IGSF8: variants seen among roughly 807,000 people sequenced by gnomAD.
IGSF8 encodes CD81 partner 3.
A neutral mutation model predicts 55.5 loss-of-function variants in IGSF8; 46 were observed. The ratio of observed to expected loss-of-function variants is 0.83; its 90% CI spans 0.65 to 1.06. The LOEUF (loss-of-function observed/expected upper bound fraction) is 1.06, where lower values mean the gene tolerates loss of function less well. Among genes scored for constraint, IGSF8 ranks in the 50% least tolerant of loss-of-function variants. The pLI is 0.00. For missense variants in IGSF8, 731 were observed against 832.3 expected (o/e 0.88, Z 1.50); for synonymous variants, 314 against 356.1 (o/e 0.88, Z 1.33).
chr1:160,092,561 G>C lies in IGSF8; in HGVS notation c.1447C>G (p.Arg483Gly). ...LRLAASWWVE[R>G]PEDGELSSVP... is the part of the protein sequence containing the mutation. ...GAGCTGAGCTCTCCGTCCTCTGGTCGCTCCACCCACCAGCTGGCGGCCAGC... is the reference window on the plus strand; with the variant it reads ...GAGCTGAGCTCTCCGTCCTCTGGTCCCTCCACCCACCAGCTGGCGGCCAGC... Residue 483 changes from arginine to glycine, a missense_variant, in exon 5 of 7, where the codon CGA (arginine) becomes GGA (glycine). Coordinates refer to ENST00000314485, the MANE Select transcript of IGSF8 (RefSeq NM_052868.6). 1 of 1,610,490 alleles carries C rather than the reference G, an allele frequency of 6.2e-7. No homozygotes were observed. The highest frequency in any genetic ancestry group is 8.5e-7 in the Non-Finnish European group (1 of 1,179,612).
At position 160,096,257 on chromosome 1, in the gene IGSF8, G is replaced by A. The variant is rs184898284; in HGVS notation, c.65-1011C>T. 2.6e-5 allele frequency among the ~76,000 whole-genome samples: 4 copies of A among 152,124 alleles called. No individual in the cohort carries two copies. In the East Asian group the frequency reaches 5.8e-4, roughly 22 times the overall value. ...GATCACAGAACCTCAATGTAAAGAGGGCTAGGCCACCCCTCCCCACCTCTC... is the reference window on the plus strand; with the variant it reads ...GATCACAGAACCTCAATGTAAAGAGAGCTAGGCCACCCCTCCCCACCTCTC... On this transcript the variant is annotated intron_variant, in intron 1 of 6. Transcript: ENST00000314485.
intron 4 of IGSF8, 114 bp from the exon 5 acceptor site, chr1:160,092,809 G>A: frequency 2.0e-6 from 3 of 1,486,234 alleles, no homozygotes; most frequent in African/African-American, 2.8e-5. Context: ...CTTGGTAGAA[G>A]AGGAGCGTGA....
At chr1:160,096,620 G>A (rs1270107985) in intron 1 of IGSF8, among the ~76,000 whole-genome samples, 1 of 152,198 alleles carries the variant, frequency 6.6e-6, no homozygotes, top group Non-Finnish European at 1.5e-5. Context: ...CTCTGGCTGG[G>A]TCACAGGGAG....
intron 1 of IGSF8, among the ~76,000 whole-genome samples, chr1:160,097,021 T>C (rs2101967065): frequency 6.6e-6 from 1 of 152,194 alleles, no homozygotes; most frequent in South Asian, 2.1e-4. Context: ...CTCTCTCCCC[T>C]CCTCTGTATC....
intron 1 of IGSF8, 161 bp from the exon 2 acceptor site, chr1:160,095,407 G>A (rs777676645): frequency 1.4e-6 from 1 of 730,010 alleles, no homozygotes; most frequent in Non-Finnish European, 2.2e-6. Flanking sequence ...AAGGGATGCT[G>A]TGATATAAGA....
chr1:160,093,295 C>T lies in IGSF8; in HGVS notation c.941G>A (p.Arg314His), dbSNP rs188677020. The change falls in exon 4 of 7, where the codon CGT becomes CAT. Residue 314 changes from arginine to histidine, a missense_variant. Physicochemically the swap from Arg to His is conservative, Grantham distance 29 (BLOSUM62 0). Coordinates refer to ENST00000314485, the MANE Select transcript of IGSF8 (RefSeq NM_052868.6). ...QLAVTVGPGE[R>H]RIGPGEPLEL... ...CAAGGGCTCCCCTGGGCCGATCCGA[C>T]GTTCACCAGGCCCCACTGTCACTGC... 3.7e-5 allele frequency: 59 copies of T among 1,602,408 alleles called. No homozygotes were observed. The East Asian group carries it at 1.1e-3, about 29-fold the overall frequency.
upstream of IGSF8, chr1:160,099,078 C>G (rs954456736): frequency 6.9e-6 from 1 of 145,784 alleles, no homozygotes; most frequent in Non-Finnish European, 1.5e-5. Flanking sequence ...GCCTCCAATC[C>G]TGGCTCCGCC....
intron 4 of IGSF8, 32 bp downstream of exon 4, chr1:160,092,892 C>G (rs765238054): frequency 9.6e-6 from 15 of 1,566,118 alleles, no homozygotes; most frequent in Non-Finnish European, 1.2e-5. Flanking sequence ...TGACAATCCT[C>G]GAACCCCGTC....
At position 160,091,621 on chromosome 1, in the gene IGSF8, C is replaced by T; in HGVS notation, c.*16-13G>A. On this transcript the variant is annotated splice_polypyrimidine_tract_variant and intron_variant, in intron 6 of 6. Coordinates refer to ENST00000314485, the MANE Select transcript of IGSF8 (RefSeq NM_052868.6). Reference sequence around the variant, plus strand: ...ACACCTGCAAGACCTGAAAAGGGTGCCCGGTGTGGGCTAAGGACAGAGAGC... The same window carrying T: ...ACACCTGCAAGACCTGAAAAGGGTGTCCGGTGTGGGCTAAGGACAGAGAGC... The T allele has an allele frequency of 1.7e-6, 1 of 581,278 alleles. No individual in the cohort carries two copies. Among genetic ancestry groups the T allele is most frequent in the Admixed American group, 3.1e-5 (1 of 32,682 alleles). 36.0% of individuals were successfully genotyped at this position (581,278 alleles called of 1,614,324 possible).
intron 1 of IGSF8, among the ~76,000 whole-genome samples, chr1:160,096,845 T>G (rs533457667): frequency 1.3e-5 from 2 of 152,324 alleles, no homozygotes; most frequent in South Asian, 2.1e-4. Flanking sequence ...AGTTTCATAA[T>G]CAGAGTGACG....
In IGSF8 at chr1:160,094,177, G is replaced by A. The variant is rs1366608984; in HGVS notation, c.443-6C>T. 1.3e-6 allele frequency: 2 copies of A among 1,579,998 alleles called. No homozygotes were observed. The highest frequency in any genetic ancestry group is 1.8e-4 in the Middle Eastern group (1 of 5,534). On this transcript the variant is annotated splice_polypyrimidine_tract_variant and splice_region_variant and intron_variant, in intron 2 of 6. Coordinates refer to ENST00000314485, the MANE Select transcript of IGSF8 (RefSeq NM_052868.6). The surrounding 1 kb of genome is among the most constrained non-coding windows in gnomAD (Gnocchi z 4.0). ...CTGGAGGACATCTGGAAGAACTGGA[G>A]AGAACAGCTGGAGTGAGGGAGGGCT...
chr1:160,093,322 A>AGCTG lies in IGSF8; in HGVS notation c.910_913dup (p.Leu305ProfsTer10). The AGCTG allele has an allele frequency of 1.3e-6, 2 of 1,584,430 alleles. No homozygotes were observed. The highest frequency in any genetic ancestry group is 1.7e-6 in the Non-Finnish European group (2 of 1,157,942). ...TTCACCAGGCCCCACTGTCACTGCC[A>AGCTG]GCTGGCTGGCTGAAACACAGGTAGG... On this transcript the variant is annotated frameshift_variant, in exon 4 of 7. Transcript: ENST00000314485. LOFTEE classifies it high-confidence loss of function.
At chr1:160,097,599 C>G in intron 1 of IGSF8, 1 of 782,234 alleles carries the variant, frequency 1.3e-6, no homozygotes, top group Non-Finnish European at 1.6e-6. Context: ...ATACTCTTCC[C>G]CAGACCACCT....
intron 1 of IGSF8, among the ~76,000 whole-genome samples, chr1:160,096,663 C>A (rs756568018): frequency 2.0e-5 from 3 of 152,240 alleles, no homozygotes; most frequent in Admixed American, 6.5e-5. Flanking sequence ...GCACAGCTGC[C>A]AGTCAGGAAG....
rs192012747 is a variant in IGSF8 at position 160,092,492 on chromosome 1, C to T, written c.1516G>A (p.Ala506Thr). The T allele has an allele frequency of 1.2e-6, 2 of 1,613,492 alleles. No individual in the cohort carries two copies. Among genetic ancestry groups the T allele is most frequent in the Non-Finnish European group, 1.7e-6 (2 of 1,179,744 alleles). The change falls in exon 5 of 7, where the codon GCA (alanine) becomes ACA (threonine). Residue 506 changes from alanine to threonine, a missense_variant. Ala to Thr is a moderately conservative substitution (Grantham distance 58). Transcript: ENST00000314485. The part of the protein sequence containing the change: ...LVGGVGQDGV[A>T]ELGVRPGGGP... ...CCTCCAGGCCGGACTCCCAGCTCTGCCACACCATCCTGGCCTACGCCACCC... is the reference window on the plus strand; with the variant it reads ...CCTCCAGGCCGGACTCCCAGCTCTGTCACACCATCCTGGCCTACGCCACCC...
Position 160,092,635 on chromosome 1 carries a change from G to A in IGSF8, c.1373C>T (p.Ala458Val), listed in dbSNP as rs1314932001. The change falls in exon 5 of 7, where the codon GCC (alanine) becomes GTC (valine). Residue 458 changes from alanine (A) to valine (V), a missense_variant. Transcript: ENST00000314485. ...CACAGAGATGTTGCACAGCAGGGAG[G>A]CAGTCTCCCCGCGGTACACTGTGCC... ...AGGTVYRGET[A>V]SLLCNISVRG... 6.2e-6 allele frequency: 10 copies of A among 1,603,484 alleles called. No homozygotes were observed. The highest frequency in any genetic ancestry group is 7.6e-6 in the Non-Finnish European group (9 of 1,179,880).
rs144420685 is a variant in IGSF8 at position 160,092,663 on chromosome 1, C to T, written c.1345G>A (p.Gly449Arg). Residue 449 changes from glycine (G) to arginine (R), a missense_variant, in exon 5 of 7, where the codon GGA (glycine) becomes AGA (arginine). Transcript: ENST00000314485. ...GTCTCCCCGCGGTACACTGTGCCTC[C>T]TGCTAGCCATGCCACAGCCTCCAGC... ...VVLEAVAWLAGGTVYRGETAS... is the reference protein window; with the variant it reads ...VVLEAVAWLARGTVYRGETAS... The T allele has an allele frequency of 1.6e-4, 261 of 1,600,588 alleles. No individual in the cohort carries two copies. The highest frequency in any genetic ancestry group is 2.1e-4 in the Non-Finnish European group (246 of 1,179,934).
At position 160,094,285 on chromosome 1, in the gene IGSF8, G is replaced by A. The variant is rs755080172; in HGVS notation, c.443-114C>T. The A allele has an allele frequency of 3.3e-5, 23 of 693,056 alleles. No individual in the cohort carries two copies. The highest frequency in any genetic ancestry group is 7.5e-5 in the South Asian group (4 of 53,252). 42.9% of individuals were successfully genotyped at this position (693,056 alleles called of 1,614,324 possible). ...TGTGAGCTCCCAGAGGGCAAAGATC[G>A]CATGTTGTATTATTTCTTCTGTAAC... On this transcript the variant is annotated intron_variant, in intron 2 of 6. Coordinates refer to ENST00000314485, the MANE Select transcript of IGSF8 (RefSeq NM_052868.6). The surrounding 1 kb of genome is among the most constrained non-coding windows in gnomAD (Gnocchi z 4.0).
chr1:160,096,319 T>C (rs1044686767), intron 1 of IGSF8, among the ~76,000 whole-genome samples: 8 of 152,182 alleles, frequency 5.3e-5, no homozygotes, highest in Non-Finnish European at 1.2e-4. Context: ...GCAGGAAAAG[T>C]ATAATATGTT....
Sources: allele counts gnomAD v4.1 joint callset (sites outside exome capture counted in the v4.1 genomes callset), GRCh38; gene constraint gnomAD v4.1.1; non-coding constraint Gnocchi (gnomAD v3.1); transcripts MANE v1.5; gene names NCBI Gene and HGNC (gene_info 2026-07-23, HGNC 2026-07-21).